ASIC2: variants seen among roughly 807,000 people sequenced by gnomAD.
ASIC2 encodes the protein acid sensing ion channel subunit 2, also known as acid-sensing ion channel 2.
ASIC2 carries 25 observed loss-of-function variants against 57.3 expected under a neutral mutation model. The observed-to-expected ratio is 0.44, with a 90% CI of 0.32 to 0.61. The LOEUF (loss-of-function observed/expected upper bound fraction) is 0.61, where lower values mean the gene tolerates loss of function less well. Among genes scored for constraint, ASIC2 ranks in the 20% least tolerant of loss-of-function variants. ASIC2 has a pLI of 0.06. For synonymous variants in ASIC2, 319 were observed against 307.5 expected (o/e 1.04, Z -0.39); for missense variants, 641 against 738.1 (o/e 0.87, Z 1.52).
At position 33,863,841 on chromosome 17, in the gene ASIC2, A is replaced by G. The variant is rs548909579; in HGVS notation, c.555+292137T>C. On this transcript the variant is annotated intron_variant, in intron 1 of 9. Transcript: ENST00000359872. ...CTTGGCAGACAACAAAAATCTAGCT[A>G]TAAGTTAATCATATTTTTTATTATG... Among the ~76,000 whole-genome samples, 4 of 152,270 alleles carry G rather than the reference A, an allele frequency of 2.6e-5. No homozygotes were observed. The South Asian group carries it at 6.2e-4, about 24-fold the overall frequency.
chr17:33,797,981 C>G (rs1911970333), intron 1 of ASIC2, among the ~76,000 whole-genome samples: 1 of 151,976 alleles, frequency 6.6e-6, no homozygotes, highest in Non-Finnish European at 1.5e-5. Flanking sequence ...TCGCAGTGTG[C>G]AAAGGAGGAA....
intron 1 of ASIC2, among the ~76,000 whole-genome samples, chr17:33,923,275 G>A (rs558132029): frequency 4.6e-5 from 7 of 152,284 alleles, no homozygotes; most frequent in African/African-American, 1.7e-4. Flanking sequence ...ACAGGCTGAT[G>A]AACAAGTACT....
At chr17:34,063,008 A>G (rs1435694458) in intron 1 of ASIC2, among the ~76,000 whole-genome samples, 1 of 152,210 alleles carries the variant, frequency 6.6e-6, no homozygotes, top group Non-Finnish European at 1.5e-5. Flanking sequence ...AACCCTCCTT[A>G]ATTCATTCTG....
intron 1 of ASIC2, among the ~76,000 whole-genome samples, chr17:33,831,569 T>C (rs957545747): frequency 6.8e-6 from 1 of 148,008 alleles, no homozygotes; most frequent in African/African-American, 2.5e-5. Flanking sequence ...TTAAAATCTT[T>C]CTCTGATCTG....
intron 1 of ASIC2, among the ~76,000 whole-genome samples, chr17:33,778,866 G>T: frequency 6.6e-6 from 1 of 152,058 alleles, no homozygotes; most frequent in East Asian, 1.9e-4. Flanking sequence ...CACCAAGCTG[G>T]CCCCTACTGG....
intron 1 of ASIC2, among the ~76,000 whole-genome samples, chr17:33,999,536 G>A (rs1411508979): frequency 6.6e-6 from 1 of 152,054 alleles, no homozygotes; most frequent in Non-Finnish European, 1.5e-5. Context: ...TGTACTACAG[G>A]TAGTTTACTT....
intron 3 of ASIC2, among the ~76,000 whole-genome samples, chr17:33,048,786 C>T (rs898319178): frequency 3.9e-5 from 6 of 152,192 alleles, no homozygotes; most frequent in Non-Finnish European, 7.3e-5. Context: ...GGATCTTTGT[C>T]CCTGGTACGG....
intron 1 of ASIC2, among the ~76,000 whole-genome samples, chr17:33,376,769 A>G (rs1386877234): frequency 6.6e-6 from 1 of 152,172 alleles, no homozygotes; most frequent in Non-Finnish European, 1.5e-5. Flanking sequence ...CTCCTCTGCC[A>G]TTGCTGCCAC....
At chr17:33,479,056 T>C (rs762740261) in intron 1 of ASIC2, among the ~76,000 whole-genome samples, 9 of 152,132 alleles carry the variant, frequency 5.9e-5, no homozygotes, top group Non-Finnish European at 1.3e-4. Flanking sequence ...TGGAGTGCAG[T>C]GGTGTGATCT....
At chr17:33,091,984 T>G (rs191573022) in intron 2 of ASIC2, among the ~76,000 whole-genome samples, 82 of 152,344 alleles carry the variant, frequency 5.4e-4, no homozygotes, top group Non-Finnish European at 7.3e-5. Context: ...GAAACATTGC[T>G]GGATAGCACA....
chr17:33,189,224 C>CA (rs1209880968), intron 1 of ASIC2, among the ~76,000 whole-genome samples: 1 of 152,028 alleles, frequency 6.6e-6, no homozygotes, highest in Non-Finnish European at 1.5e-5. Context: ...GAGAACCCCC[C>CA]ACCCCCTAAC....
chr17:33,727,308 G>A (rs1317756445), intron 1 of ASIC2, among the ~76,000 whole-genome samples: 2 of 152,208 alleles, frequency 1.3e-5, no homozygotes, highest in Non-Finnish European at 2.9e-5. Context: ...TCTATATGCA[G>A]GAACTTCCAA....
rs73986799 is a variant in ASIC2 at position 33,821,404 on chromosome 17, T to C, written c.555+334574A>G. On this transcript the variant is annotated intron_variant, in intron 1 of 9. Transcript: ENST00000359872. ...GGAGAGCTAATCTTTGTTGAGTCTA[T>C]GCACACCTCTTGGCCCTTTAATACA... Among the ~76,000 whole-genome samples the C allele has an allele frequency of 7.1e-3, 1,088 of 152,296 alleles. 14 individuals carry two copies. The highest frequency in any genetic ancestry group is 0.025 in the African/African-American group (1,044 of 41,560).
intron 1 of ASIC2, among the ~76,000 whole-genome samples, chr17:33,235,182 T>A (rs1161991646): frequency 6.6e-6 from 1 of 152,150 alleles, no homozygotes; most frequent in Admixed American, 6.5e-5. Flanking sequence ...GGCTCATACA[T>A]CTTCAGTCAT....
chr17:33,141,892 A>C (rs1468253585), intron 1 of ASIC2, among the ~76,000 whole-genome samples: 1 of 152,232 alleles, frequency 6.6e-6, no homozygotes, highest in Admixed American at 6.5e-5. Context: ...ATCTGTAACT[A>C]TACAGGGTGT....
intron 1 of ASIC2, among the ~76,000 whole-genome samples, chr17:34,109,564 C>G (rs2053601582): frequency 6.6e-6 from 1 of 152,110 alleles, no homozygotes; most frequent in Non-Finnish European, 1.5e-5. Context: ...TTTCATCAAG[C>G]GTAAATGAGA....
intron 1 of ASIC2, among the ~76,000 whole-genome samples, chr17:33,382,074 G>A (rs1025464831): frequency 6.6e-6 from 1 of 152,144 alleles, no homozygotes; most frequent in South Asian, 2.1e-4. Context: ...GGGTTGTACT[G>A]TGCTCATATT....
chr17:33,558,737 A>G (rs886270600), intron 1 of ASIC2, among the ~76,000 whole-genome samples: 3 of 152,154 alleles, frequency 2.0e-5, no homozygotes, highest in African/African-American at 4.8e-5. Flanking sequence ...GCTTATAAAC[A>G]TTGGTAGCTG....
At chr17:33,498,338 A>T (rs1294248720) in intron 1 of ASIC2, among the ~76,000 whole-genome samples, 1 of 152,206 alleles carries the variant, frequency 6.6e-6, no homozygotes, top group African/African-American at 2.4e-5. Flanking sequence ...AAACATCAAA[A>T]CAGTTCAGAA....
Sources: allele counts gnomAD v4.1 joint callset (sites outside exome capture counted in the v4.1 genomes callset), GRCh38; gene constraint gnomAD v4.1.1; transcripts MANE v1.5; gene names NCBI Gene and HGNC (gene_info 2026-07-23, HGNC 2026-07-21).